Variants in IL16 observed in about 807,000 individuals in gnomAD.
IL16 encodes the protein pro-interleukin-16.
IL16 carries 67 observed loss-of-function variants against 110.1 expected under a neutral mutation model. That is an observed-to-expected ratio of 0.61 (90% CI 0.50 to 0.75). The LOEUF (loss-of-function observed/expected upper bound fraction) is 0.75, where lower values mean the gene tolerates loss of function less well. Ranked by LOEUF, IL16 falls within the 30% of genes least tolerant of loss-of-function variation. The pLI is 0.00. For missense variants in IL16, 1,545 were observed against 1,655.0 expected, an observed-to-expected ratio of 0.93 and a Z score of 1.15; for synonymous variants, 689 against 662.9, an observed-to-expected ratio of 1.04 and a Z score of -0.61.
At chr15:81,268,589 G>A (rs28508076) in intron 4 of IL16, among the ~76,000 whole-genome samples, 7,850 of 152,348 alleles carry the variant, frequency 0.052, 718 homozygotes, top group African/African-American at 0.18. Flanking sequence ...CGGCATCTCC[G>A]ATATCAGAGA....
chr15:81,253,109 A>G (rs971604258), intron 2 of IL16, among the ~76,000 whole-genome samples: 2 of 152,110 alleles, frequency 1.3e-5, no homozygotes, highest in Non-Finnish European at 2.9e-5. Context: ...AGAGCATTCC[A>G]ATTTCTCATA....
rs866757626 is a variant in IL16 at position 81,232,055 on chromosome 15, T to G, written c.312+6344T>G. Among the ~76,000 whole-genome samples, 455 of 141,574 alleles carry G rather than the reference T, an allele frequency of 3.2e-3. 7 individuals carry two copies. The highest frequency in any genetic ancestry group is 4.5e-3 in the African/African-American group (162 of 36,146). The allele number at this position is 141,574 out of a possible 152,430, so 92.9% of individuals were successfully genotyped here. A position where few individuals can be genotyped will look rare whatever the true frequency, so the allele number is the denominator to read the frequency against. The stretch of plus-strand genomic sequence containing the variant: ...ACATTTGTTCTTGTTTTTTTTTTTT[T>G]TTTTTTTTTTTCTTTTTTTTTTCAC... On this transcript the variant is annotated intron_variant, in intron 2 of 18. Transcript: ENST00000683961.
intron 13 of IL16, 41 bp downstream of exon 13, chr15:81,297,119 G>GA: frequency 6.3e-7 from 1 of 1,581,798 alleles, no homozygotes; most frequent in Non-Finnish European, 8.6e-7. Context: ...AGGGTCTTTT[G>GA]AAAAAAGGTG....
chr15:81,239,012 T>C (rs1326892126), intron 2 of IL16, among the ~76,000 whole-genome samples: 1 of 152,056 alleles, frequency 6.6e-6, no homozygotes, highest in Non-Finnish European at 1.5e-5. Context: ...CTTTTTTTTT[T>C]TTCTTTACAG....
intron 2 of IL16, among the ~76,000 whole-genome samples, chr15:81,230,016 A>G (rs77216644): frequency 0.011 from 1,624 of 152,266 alleles, 31 homozygotes; most frequent in African/African-American, 0.038. Flanking sequence ...CCCAGAAAAG[A>G]CTGGGTAAAT....
At chr15:81,284,412 T>G (rs1899346133) in intron 9 of IL16, among the ~76,000 whole-genome samples, 1 of 152,220 alleles carries the variant, frequency 6.6e-6, no homozygotes, top group Non-Finnish European at 1.5e-5. Flanking sequence ...GCAGGTGATT[T>G]GCTGAGCTGC....
At chr15:81,215,967 A>G (rs1425596059) in intron 1 of IL16, among the ~76,000 whole-genome samples, 1 of 152,220 alleles carries the variant, frequency 6.6e-6, no homozygotes, top group Non-Finnish European at 1.5e-5. Flanking sequence ...AGGCTGGGCC[A>G]AGGAGGCTGT....
chr15:81,306,185 G>A lies in IL16; in HGVS notation c.3679+19G>A, dbSNP rs1380601644. The A allele has an allele frequency of 6.2e-7, 1 of 1,609,352 alleles. No individual in the cohort carries two copies. Among genetic ancestry groups the A allele is most frequent in the Non-Finnish European group, 8.5e-7 (1 of 1,177,390 alleles). ...GAATCTAGTAAGTTCTCCCAACTCA[G>A]TGGAAGCCACATGGGCCACATCCTC... On this transcript the variant is annotated intron_variant, in intron 17 of 18. Coordinates refer to ENST00000683961, the MANE Select transcript of IL16 (RefSeq NM_172217.5).
chr15:81,218,932 A>AATTTTTT (rs1896524972), intron 1 of IL16, among the ~76,000 whole-genome samples: 3 of 142,228 alleles, frequency 2.1e-5, no homozygotes, highest in African/African-American at 5.1e-5. Flanking sequence ...TTTGAGTAAC[A>AATTTTTT]ATTTTTTTTT....
intron 1 of IL16, among the ~76,000 whole-genome samples, chr15:81,222,587 G>T (rs990391433): frequency 7.1e-6 from 1 of 141,144 alleles, no homozygotes; most frequent in African/African-American, 3.2e-5. Context: ...TCACTCACAG[G>T]CAGCCTCTCT....
In IL16 at chr15:81,301,370, A is replaced by T; in HGVS notation, c.3176A>T (p.Glu1059Val). Reference sequence around the variant, plus strand: ...CTTTCAGAGCTGAGAGAATATACAGAGGGTCTCACGGAAGCCAAGGAAGAC... The same window carrying T: ...CTTTCAGAGCTGAGAGAATATACAGTGGGTCTCACGGAAGCCAAGGAAGAC... ...LNLSELREYT[E>V]GLTEAKEDDD... is the part of the protein sequence containing the mutation. The change falls in exon 15 of 19, where the codon GAG becomes GTG. Residue 1059 changes from glutamate (E) to valine (V), a missense_variant. Coordinates refer to ENST00000683961, the MANE Select transcript of IL16 (RefSeq NM_172217.5). The T allele has an allele frequency of 1.9e-6, 3 of 1,612,572 alleles. No homozygotes were observed. Among genetic ancestry groups the T allele is most frequent in the Non-Finnish European group, 2.5e-6 (3 of 1,179,602 alleles).
At chr15:81,282,615 C>G (rs762098784) in intron 8 of IL16, 24 bp from the exon 9 acceptor site, 2 of 1,583,838 alleles carry the variant, frequency 1.3e-6, no homozygotes, top group Non-Finnish European at 8.6e-7. Flanking sequence ...CCGGTCTCCC[C>G]ACCCCGCCCT....
At chr15:81,275,363 G>GGGGGA (rs1165574007) in intron 6 of IL16, among the ~76,000 whole-genome samples, 5 of 94,622 alleles carry the variant, frequency 5.3e-5, no homozygotes, top group East Asian at 3.6e-4. Context: ...GGGAGGAGGG[G>GGGGGA]GGGGAGGGGA....
chr15:81,277,020 C>T (rs556810067), intron 6 of IL16, among the ~76,000 whole-genome samples: 12 of 128,402 alleles, frequency 9.3e-5, no homozygotes, highest in East Asian at 2.0e-4. Flanking sequence ...AAGACAAGAC[C>T]GGAAACAGTA....
chr15:81,237,442 ATTATT>A (rs1370135171), intron 2 of IL16, among the ~76,000 whole-genome samples: 1 of 152,224 alleles, frequency 6.6e-6, no homozygotes, highest in Non-Finnish European at 1.5e-5. Flanking sequence ...ATCATAGTTT[ATTATT>A]TTAAGATCTT....
rs1206361118 is a variant in IL16 at position 81,312,671 on chromosome 15, T to C, written c.*3873T>C. 6.6e-6 allele frequency: 1 copy of C among 152,270 alleles called. No individual in the cohort carries two copies. Among genetic ancestry groups the C allele is most frequent in the Non-Finnish European group, 1.5e-5 (1 of 68,054 alleles). 9.4% of individuals were successfully genotyped at this position (152,270 alleles called of 1,614,324 possible). On this transcript the variant is annotated 3_prime_UTR_variant, in exon 19 of 19. Coordinates refer to ENST00000683961, the MANE Select transcript of IL16 (RefSeq NM_172217.5). The stretch of plus-strand genomic sequence containing the variant: ...AATGGAAGACACATTGAAAGTGTTT[T>C]TCCTTAATGCTTATCCTGTTTTTAA...
chr15:81,258,868 A>C (rs1898051271), intron 2 of IL16, among the ~76,000 whole-genome samples: 1 of 152,194 alleles, frequency 6.6e-6, no homozygotes, highest in South Asian at 2.1e-4. Flanking sequence ...TAACTCAAGA[A>C]TTAAGTCAAG....
chr15:81,260,022 G>T (rs1898094388), intron 3 of IL16, 142 bp downstream of exon 3: 3 of 595,908 alleles, frequency 5.0e-6, no homozygotes, highest in Non-Finnish European at 8.9e-6. Context: ...GTGTGTGCAT[G>T]CTCTGGCTAG....
At chr15:81,267,946 T>C (rs1043247041) in intron 4 of IL16, among the ~76,000 whole-genome samples, 15 of 152,190 alleles carry the variant, frequency 9.9e-5, no homozygotes, top group African/African-American at 3.6e-4. Context: ...AGAATAATGG[T>C]TGACTAAATA....
Sources: gnomAD v4.1 joint callset for allele counts (sites outside exome capture counted in the v4.1 genomes callset) on GRCh38, gnomAD v4.1.1 for gene constraint, MANE v1.5 for transcripts, NCBI Gene and HGNC (gene_info 2026-07-23, HGNC 2026-07-21) for gene names.